The following TH variants were observed in gnomAD, a reference collection of about 807,000 sequenced individuals.
TH encodes the protein tyrosine 3-monooxygenase.
A neutral mutation model predicts 57.4 loss-of-function variants in TH; 49 were observed. The observed-to-expected ratio is 0.85, with a 90% CI of 0.68 to 1.08. The LOEUF is 1.08. Among genes scored for constraint, TH ranks in the 50% least tolerant of loss-of-function variants. The pLI is 0.00. For synonymous variants in TH, 330 were observed against 304.5 expected (o/e 1.08, Z -0.87); for missense variants, 720 against 696.7 (o/e 1.03, Z -0.38).
In TH at chr11:2,171,007, C is replaced by A. The variant is rs182361352; in HGVS notation, c.90+690G>T. On this transcript the variant is annotated intron_variant, in intron 1 of 12. Coordinates refer to ENST00000352909, the MANE Select transcript of TH (RefSeq NM_000360.4). The surrounding 1 kb of genome is among the most constrained non-coding windows in gnomAD (Gnocchi z 8.6). ...CCCCTCCTGTGGGCTGAAAAGCTCC[C>A]GATTATCCAGCCTGGCCCACACAGT... is the stretch of plus-strand genomic sequence containing the variant. Among the ~76,000 whole-genome samples, 4 of 152,086 alleles carry A rather than the reference C, an allele frequency of 2.6e-5. No homozygotes were observed. The highest frequency in any genetic ancestry group is 6.5e-5 in the Admixed American group (1 of 15,284).
rs1217820889 is a variant in TH, at chr11:2,169,667, C to T, written c.295G>A (p.Ala99Thr). 1 of 1,613,538 alleles carries T rather than the reference C, an allele frequency of 6.2e-7. No homozygotes were observed. Among genetic ancestry groups the T allele is most frequent in the Admixed American group, 1.7e-5 (1 of 60,014 alleles). ...CAGCTCACCTCAAACACCTTCACAG[C>T]TCGGGACAGCGCCGAGGGCTTGGTG... Reference protein sequence around the residue: ...RATKPSALSRAVKVFETFEAK... With the variant: ...RATKPSALSRTVKVFETFEAK... The change falls in exon 2 of 13, where the codon GCT (alanine) becomes ACT (threonine). Residue 99 changes from alanine to threonine, a missense_variant. Transcript: ENST00000352909.
At chr11:2,166,180 C>CCTTCCCTGGCCGCCAGACA (rs1846084842) in intron 9 of TH, 122 bp from the exon 10 acceptor site, 1 of 1,122,372 alleles carries the variant, frequency 8.9e-7, no homozygotes, top group Admixed American at 2.0e-5. Flanking sequence ...GCGGCAGAGA[C>CCTTCCCTGGCCGCCAGACA]CTTCCCTGGC....
At chr11:2,168,904 C>T (rs949319119) in intron 2 of TH, among the ~76,000 whole-genome samples, 2 of 152,176 alleles carry the variant, frequency 1.3e-5, no homozygotes, top group African/African-American at 2.4e-5. Flanking sequence ...GAGTTGTCAC[C>T]GCTTGAGGCT....
Position 2,165,749 on chromosome 11 carries a change from C to G in TH, c.1119G>C (p.Thr373=), listed in dbSNP as rs143405115. The change falls in exon 11 of 13, where the codon ACG becomes ACC. Residue 373 remains threonine, a synonymous_variant. Transcript: ENST00000352909. ...IEKLSTLYWF[T]VEFGLCKQNG... ...TCTGCTTACACAGCCCGAACTCCAC[C>G]GTGAACCAGTACAGCTGCGGGGAAG... is the stretch of plus-strand genomic sequence containing the variant. The G allele has an allele frequency of 2.4e-5, 38 of 1,612,598 alleles. No homozygotes were observed. Among genetic ancestry groups the G allele is most frequent in the Non-Finnish European group, 3.0e-5 (35 of 1,179,972 alleles).
chr11:2,166,914 G>T lies in TH; in HGVS notation c.814C>A (p.Leu272Met). The T allele has an allele frequency of 4.4e-6, 7 of 1,604,512 alleles. No individual in the cohort carries two copies. Among genetic ancestry groups the T allele is most frequent in the Non-Finnish European group, 5.9e-6 (7 of 1,176,596 alleles). ...SGYREDNIPQLEDVSRFLKER... is the reference protein window; with the variant it reads ...SGYREDNIPQMEDVSRFLKER... ...TTCAGGAAGCGGGAGACGTCCTCCA[G>T]CTGGGGGATATTGTCTTCCCGGTAG... The change falls in exon 7 of 13, where the codon CTG becomes ATG. Residue 272 changes from leucine (L) to methionine (M), a missense_variant. Coordinates refer to ENST00000352909, the MANE Select transcript of TH (RefSeq NM_000360.4).
rs751996815 is a variant in TH at position 2,168,102 on chromosome 11, A to C, written c.565T>G (p.Leu189Val). The change falls in exon 4 of 13, where the codon TTG becomes GTG. Residue 189 changes from leucine to valine, a missense_variant. Coordinates refer to ENST00000352909, the MANE Select transcript of TH (RefSeq NM_000360.4). Reference sequence around the variant, plus strand: ...GGCGCACCACTCACCGGGTGGTCCAAGTCCAGGTCAGGGTCGAACTTGGTG... The same window carrying C: ...GGCGCACCACTCACCGGGTGGTCCACGTCCAGGTCAGGGTCGAACTTGGTG... ...LVTKFDPDLD[L>V]DHPGFSDQVY... 4.3e-6 allele frequency: 7 copies of C among 1,613,378 alleles called. No individual in the cohort carries two copies. Among genetic ancestry groups the C allele is most frequent in the Non-Finnish European group, 5.9e-6 (7 of 1,180,008 alleles).
In TH at chr11:2,165,231, C is replaced by T. The variant is rs781411638; in HGVS notation, c.1334+1G>A. Reference sequence around the variant, plus strand: ...GGGCTTGCCCTAGCAGCCTAGCCCACCTGAGCTTGTCCTTGGCGTCACTGA... The same window carrying T: ...GGGCTTGCCCTAGCAGCCTAGCCCATCTGAGCTTGTCCTTGGCGTCACTGA... On this transcript the variant is annotated splice_donor_variant, in intron 12 of 12. Coordinates refer to ENST00000352909, the MANE Select transcript of TH (RefSeq NM_000360.4). LOFTEE classifies it high-confidence loss of function. 1.2e-6 allele frequency: 2 copies of T among 1,612,832 alleles called. No homozygotes were observed. Among genetic ancestry groups the T allele is most frequent in the Non-Finnish European group, 1.7e-6 (2 of 1,179,974 alleles).
In TH at chr11:2,165,423, G is replaced by A. The variant is rs1018730533; in HGVS notation, c.1201-58C>T. 4 of 1,601,116 alleles carry A rather than the reference G, an allele frequency of 2.5e-6. No individual in the cohort carries two copies. In the African/African-American group the frequency reaches 5.3e-5, roughly 21 times the overall value. ...CTGCACCCAGGTCCCCGAGGGAACT[G>A]GGGCACCGTGGCCTGACGCTGGGTG... On this transcript the variant is annotated intron_variant, in intron 11 of 12. Coordinates refer to ENST00000352909, the MANE Select transcript of TH (RefSeq NM_000360.4).
In TH at chr11:2,164,266, G is replaced by T; in HGVS notation, c.1461C>A (p.Asp487Glu). 1 of 1,499,330 alleles carries T rather than the reference G, an allele frequency of 6.7e-7. No individual in the cohort carries two copies. Among genetic ancestry groups the T allele is most frequent in the Non-Finnish European group, 8.9e-7 (1 of 1,122,304 alleles). The allele number at this position is 1,499,330 out of a possible 1,614,324, so 92.9% of individuals were successfully genotyped here. Reference protein sequence around the residue: ...RSLEGVQDELDTLAHALSAIG With the variant: ...RSLEGVQDELETLAHALSAIG ...TGGCACTCAGCGCATGGGCAAGGGT[G>T]TCCAGCTCATCCTGGACACCCTCCA... The change falls in exon 13 of 13, where the codon GAC (aspartate) becomes GAA (glutamate). Residue 487 changes from aspartate to glutamate, a missense_variant. Transcript: ENST00000352909.
At chr11:2,165,894 C>T (rs908925937) in intron 10 of TH, 108 bp downstream of exon 10, 30 of 1,501,730 alleles carry the variant, frequency 2.0e-5, no homozygotes, top group Middle Eastern at 3.4e-4. Flanking sequence ...GTGAGGGTCA[C>T]AATTCGTGGG....
At position 2,171,024 on chromosome 11, in the gene TH, C is replaced by T. The variant is rs199792458; in HGVS notation, c.90+673G>A. 2.6e-5 allele frequency among the ~76,000 whole-genome samples: 4 copies of T among 152,174 alleles called. No homozygotes were observed. The East Asian group carries it at 7.7e-4, about 29-fold the overall frequency. ...AAAGCTCCCGATTATCCAGCCTGGC[C>T]CACACAGTCCCCTGTACACAGGGCT... On this transcript the variant is annotated intron_variant, in intron 1 of 12. Transcript: ENST00000352909. This position sits in a 1 kb window ranked among gnomAD's most constrained non-coding sequence, Gnocchi z 8.6.
Position 2,170,630 on chromosome 11 carries a change from A to G in TH, c.91-759T>C. 7.2e-7 allele frequency: 1 copy of G among 1,398,436 alleles called. No homozygotes were observed. Among genetic ancestry groups the G allele is most frequent in the Non-Finnish European group, 1.0e-6 (1 of 1,002,176 alleles). 86.6% of individuals were successfully genotyped at this position (1,398,436 alleles called of 1,614,324 possible). A position where few individuals can be genotyped will look rare whatever the true frequency, so the allele number is the denominator to read the frequency against. On this transcript the variant is annotated intron_variant, in intron 1 of 12. Transcript: ENST00000352909. This position sits in a 1 kb window ranked among gnomAD's most constrained non-coding sequence, Gnocchi z 6.0. ...AGAATCAGCTTCATCCTGAGCTTCC[A>G]GGGTTGTGGAACATGAAGGGGAGCA...
chr11:2,168,699 GAGAA>G lies in TH; in HGVS notation c.313-38_313-35del, dbSNP rs200462975. 8,851 of 968,646 alleles carry G rather than the reference GAGAA, an allele frequency of 9.1e-3. 362 individuals carry two copies. In the Admixed American group the frequency reaches 0.1, roughly 11 times the overall value. 60.0% of individuals were successfully genotyped at this position (968,646 alleles called of 1,614,324 possible). A position where few individuals can be genotyped will look rare whatever the true frequency, so the allele number is the denominator to read the frequency against. On this transcript the variant is annotated intron_variant, in intron 2 of 12. Coordinates refer to ENST00000352909, the MANE Select transcript of TH (RefSeq NM_000360.4). ...GCAAAAGCAGGAAGAGAGAGAGAAG[GAGAA>G]AGAGACAGAGATGGAGAGAGAGGGT... is the stretch of plus-strand genomic sequence containing the variant.
rs556255853 is a variant in TH at position 2,168,309 on chromosome 11, G to A, written c.488-130C>T. 14 of 1,342,802 alleles carry A rather than the reference G, an allele frequency of 1.0e-5. No individual in the cohort carries two copies. The South Asian group carries it at 1.7e-4, about 16-fold the overall frequency. 83.2% of individuals were successfully genotyped at this position (1,342,802 alleles called of 1,614,324 possible). ...AGCCGGGGCTGTGAGAGCTGCGGGGGGATCCTGGAGTGGCCCCAGGCCCGG... is the reference window on the plus strand; with the variant it reads ...AGCCGGGGCTGTGAGAGCTGCGGGGAGATCCTGGAGTGGCCCCAGGCCCGG... On this transcript the variant is annotated intron_variant, in intron 3 of 12. Coordinates refer to ENST00000352909, the MANE Select transcript of TH (RefSeq NM_000360.4).
At chr11:2,164,415 C>T in intron 12 of TH, 23 bp from the exon 13 acceptor site, 1 of 1,540,340 alleles carries the variant, frequency 6.5e-7, no homozygotes, top group East Asian at 2.4e-5. Context: ...GCGGCAGAGC[C>T]CTCGTCAACT....
intron 12 of TH, 92 bp downstream of exon 12, chr11:2,165,140 C>T: frequency 6.3e-7 from 1 of 1,596,080 alleles, no homozygotes; most frequent in Non-Finnish European, 8.6e-7. Flanking sequence ...GACCTGGGCT[C>T]ACAGGTCCAG....
Position 2,165,338 on chromosome 11 carries a change from G to C in TH, c.1228C>G (p.Arg410Gly). 1.9e-6 allele frequency: 3 copies of C among 1,611,846 alleles called. No individual in the cohort carries two copies. The highest frequency in any genetic ancestry group is 2.5e-6 in the Non-Finnish European group (3 of 1,179,978). ...GCCGCAGCCTCAGGGTCGAAGGCCC[G>C]AATCTCAGGCTCCTCAGACAGGCAG... The part of the protein sequence containing the change: ...LHCLSEEPEI[R>G]AFDPEAAAVQ... Residue 410 changes from arginine (R) to glycine (G), a missense_variant, in exon 12 of 13, where the codon CGG (arginine) becomes GGG (glycine). Physicochemically the swap from Arg to Gly is moderately radical, Grantham distance 125. Coordinates refer to ENST00000352909, the MANE Select transcript of TH (RefSeq NM_000360.4).
In TH at chr11:2,164,329, G is replaced by C; in HGVS notation, c.1398C>G (p.Ile466Met). 1 of 1,540,214 alleles carries C rather than the reference G, an allele frequency of 6.5e-7. No homozygotes were observed. Among genetic ancestry groups the C allele is most frequent in the Non-Finnish European group, 8.8e-7 (1 of 1,139,914 alleles). ...SVKFDPYTLAIDVLDSPQAVR... is the reference protein window; with the variant it reads ...SVKFDPYTLAMDVLDSPQAVR... ...CGGCCTGGGGGCTGTCCAGCACGTC[G>C]ATGGCCAGCGTGTACGGGTCGAACT... The change falls in exon 13 of 13, where the codon ATC (isoleucine) becomes ATG (methionine). Residue 466 changes from isoleucine to methionine, a missense_variant. Coordinates refer to ENST00000352909, the MANE Select transcript of TH (RefSeq NM_000360.4).
intron 9 of TH, 64 bp downstream of exon 9, chr11:2,166,416 C>A: frequency 6.6e-7 from 1 of 1,519,548 alleles, no homozygotes; most frequent in Non-Finnish European, 8.8e-7. Flanking sequence ...CATCGATCCC[C>A]GCCCGCCCCC....
Sources: allele counts gnomAD v4.1 joint callset (sites outside exome capture counted in the v4.1 genomes callset), GRCh38; gene constraint gnomAD v4.1.1; non-coding constraint Gnocchi (gnomAD v3.1); transcripts MANE v1.5; gene names NCBI Gene and HGNC (gene_info 2026-07-23, HGNC 2026-07-21).